USP25: variants seen among roughly 807,000 people sequenced by gnomAD.
USP25 encodes ubiquitin carboxyl-terminal hydrolase 25.
A neutral mutation model predicts 158.5 loss-of-function variants in USP25; 85 were observed. That is an observed-to-expected ratio of 0.54 (90% CI 0.45 to 0.64). The LOEUF (loss-of-function observed/expected upper bound fraction) is 0.64. Ranked by LOEUF, USP25 falls within the 30% of genes least tolerant of loss-of-function variation. USP25 has a pLI of 0.00. For synonymous variants in USP25, 464 were observed against 460.4 expected (o/e 1.01, Z -0.10); for missense variants, 1,242 against 1,327.3 (o/e 0.94, Z 1.00).
At chr21:15,793,222 AAG>A (rs1423532504) in intron 5 of USP25, among the ~76,000 whole-genome samples, 4 of 151,666 alleles carry the variant, frequency 2.6e-5, no homozygotes, top group Non-Finnish European at 4.4e-5. Context: ...TATAAGAAGA[AAG>A]AAAGTATTTG....
intron 1 of USP25, among the ~76,000 whole-genome samples, chr21:15,750,688 G>A (rs999827008): frequency 6.6e-6 from 1 of 151,590 alleles, no homozygotes; most frequent in Non-Finnish European, 1.5e-5. Context: ...CTCACTGCAA[G>A]CTCCGCCTCC....
chr21:15,790,076 T>G (rs1220067631), intron 4 of USP25, among the ~76,000 whole-genome samples: 1 of 152,076 alleles, frequency 6.6e-6, no homozygotes, highest in African/African-American at 2.4e-5. Context: ...CTCCCTTGTA[T>G]TCTTGAAAAC....
chr21:15,841,910 T>A (rs549345991), intron 17 of USP25, among the ~76,000 whole-genome samples: 1 of 152,270 alleles, frequency 6.6e-6, no homozygotes, highest in South Asian at 2.1e-4. Flanking sequence ...CAGTTTGCCT[T>A]TCCTCTGACA....
intron 10 of USP25, 29 bp from the exon 11 acceptor site, chr21:15,824,010 G>C (rs762805261): frequency 1.3e-6 from 2 of 1,599,342 alleles, no homozygotes. Context: ...TGGTATTAAA[G>C]TTTTTGTTAT....
intron 20 of USP25, among the ~76,000 whole-genome samples, chr21:15,858,167 A>C (rs1196026077): frequency 6.6e-6 from 1 of 152,092 alleles, no homozygotes; most frequent in African/African-American, 2.4e-5. Context: ...ATAAACAGGA[A>C]GTTTGGCAAG....
At chr21:15,831,331 GGGTT>G in intron 15 of USP25, 66 bp from the exon 16 acceptor site, 1 of 1,419,250 alleles carries the variant, frequency 7.0e-7, no homozygotes, top group South Asian at 1.2e-5. Context: ...GGTTGTTTGT[GGGTT>G]TCATGGAATG....
rs941425573 is a variant in USP25 at position 15,878,733 on chromosome 21, T to C, written c.*258T>C. Reference sequence around the variant, plus strand: ...GATTTTATTATGGCAAAACTATGCTTTTGCCACCTTCCTGTTGCAGTATTA... The same window carrying C: ...GATTTTATTATGGCAAAACTATGCTCTTGCCACCTTCCTGTTGCAGTATTA... On this transcript the variant is annotated 3_prime_UTR_variant, in exon 26 of 26. Coordinates refer to ENST00000400183, the MANE Select transcript of USP25 (RefSeq NM_001283041.3). 2.8e-6 allele frequency: 1 copy of C among 356,476 alleles called. No individual in the cohort carries two copies. 22.1% of individuals were successfully genotyped at this position (356,476 alleles called of 1,614,324 possible).
At chr21:15,741,209 A>G (rs1280542754) in intron 1 of USP25, among the ~76,000 whole-genome samples, 4 of 151,428 alleles carry the variant, frequency 2.6e-5, no homozygotes, top group African/African-American at 4.9e-5. Flanking sequence ...TATTGCATGT[A>G]TCAATATGTT....
chr21:15,774,968 T>C (rs541711926), intron 3 of USP25, among the ~76,000 whole-genome samples: 29 of 152,216 alleles, frequency 1.9e-4, no homozygotes, highest in African/African-American at 5.8e-4. Context: ...TTAAGGACTT[T>C]CCTCCCTTTT....
intron 23 of USP25, among the ~76,000 whole-genome samples, chr21:15,871,233 TATAAG>T (rs1568915669): frequency 6.6e-6 from 1 of 152,246 alleles, no homozygotes; most frequent in Non-Finnish European, 1.5e-5. Flanking sequence ...TTGTGCTATT[TATAAG>T]ATAATTTCAC....
At chr21:15,807,307 A>G (rs1258130961) in intron 7 of USP25, among the ~76,000 whole-genome samples, 1 of 152,172 alleles carries the variant, frequency 6.6e-6, no homozygotes. Context: ...TTTCTAAGAA[A>G]GATAGGGATT....
At chr21:15,774,470 C>T (rs2034527722) in intron 3 of USP25, among the ~76,000 whole-genome samples, 1 of 152,024 alleles carries the variant, frequency 6.6e-6, no homozygotes, top group East Asian at 1.9e-4. Flanking sequence ...CATTTGTTTT[C>T]CTTAAAGCAA....
At chr21:15,818,294 ATTAT>A (rs560319776) in intron 9 of USP25, among the ~76,000 whole-genome samples, 23 of 152,244 alleles carry the variant, frequency 1.5e-4, no homozygotes, top group African/African-American at 5.5e-4. Flanking sequence ...ATTATTTGTA[ATTAT>A]TTGTTTATAA....
At chr21:15,770,122 G>A (rs575398799) in intron 3 of USP25, among the ~76,000 whole-genome samples, 1 of 152,164 alleles carries the variant, frequency 6.6e-6, no homozygotes, top group East Asian at 1.9e-4. Context: ...TCCAATTCTA[G>A]TGCTTTTATT....
At chr21:15,747,684 A>G (rs1012342157) in intron 1 of USP25, among the ~76,000 whole-genome samples, 49 of 152,320 alleles carry the variant, frequency 3.2e-4, no homozygotes, top group Middle Eastern at 6.8e-3. Flanking sequence ...TAGTATACAC[A>G]GTGTGGATAT....
chr21:15,815,731 A>G (rs200775496), intron 9 of USP25, among the ~76,000 whole-genome samples: 1 of 152,220 alleles, frequency 6.6e-6, no homozygotes, highest in Non-Finnish European at 1.5e-5. Flanking sequence ...CAGGAAAAAA[A>G]TCAGTCAGTG....
Position 15,878,488 on chromosome 21 carries a change from C to A in USP25, c.*13C>A. The A allele has an allele frequency of 6.2e-7, 1 of 1,613,596 alleles. No homozygotes were observed. On this transcript the variant is annotated 3_prime_UTR_variant, in exon 26 of 26. Transcript: ENST00000400183. ...TGATGGAAGATAAACTGCACACTTT[C>A]CCTGAACACACTGTATAAACTCTTT...
At position 15,736,332 on chromosome 21, in the gene USP25, G is replaced by A. The variant is rs538248465; in HGVS notation, c.45+5894G>A. 3.5e-4 allele frequency among the ~76,000 whole-genome samples: 53 copies of A among 152,226 alleles called. No homozygotes were observed. In the South Asian group the frequency reaches 3.5e-3, roughly 10 times the overall value. On this transcript the variant is annotated intron_variant, in intron 1 of 25. Transcript: ENST00000400183. The stretch of plus-strand genomic sequence containing the variant: ...AGGCTGGTCTTAAACTCCTGACCCC[G>A]AGTGATCAGCCTGCCTTGGGCTCCC...
rs886257429 is a variant in USP25 at position 15,879,265 on chromosome 21, A to G, written c.*790A>G. The G allele has an allele frequency of 2.6e-5, 4 of 152,544 alleles. No individual in the cohort carries two copies. Among genetic ancestry groups the G allele is most frequent in the African/African-American group, 9.7e-5 (4 of 41,438 alleles). The allele number at this position is 152,544 out of a possible 1,614,324, so 9.4% of individuals were successfully genotyped here. A position where few individuals can be genotyped will look rare whatever the true frequency, so the allele number is the denominator to read the frequency against. On this transcript the variant is annotated 3_prime_UTR_variant, in exon 26 of 26. Transcript: ENST00000400183. ...TATACAGCAAGGTGATTATTTCAAGAGAATCCCAAAGTACTTGAATAAGGG... is the reference window on the plus strand; with the variant it reads ...TATACAGCAAGGTGATTATTTCAAGGGAATCCCAAAGTACTTGAATAAGGG...
Sources: allele counts gnomAD v4.1 joint callset (sites outside exome capture counted in the v4.1 genomes callset), GRCh38; gene constraint gnomAD v4.1.1; transcripts MANE v1.5; gene names NCBI Gene and HGNC (gene_info 2026-07-23, HGNC 2026-07-21).